CDK14: variants seen among roughly 807,000 people sequenced by gnomAD.
The protein encoded by CDK14 is cyclin-dependent kinase 14.
Under a neutral mutation model 60.7 loss-of-function variants are expected in CDK14, and 34 were observed. That is an observed-to-expected ratio of 0.56 (90% confidence interval 0.43 to 0.75). The LOEUF (loss-of-function observed/expected upper bound fraction) is 0.75, where lower values mean the gene tolerates loss of function less well. Among genes scored for constraint, CDK14 ranks in the 30% least tolerant of loss-of-function variants. CDK14 has a pLI of 0.00. For synonymous variants in CDK14, 197 were observed against 203.7 expected (o/e 0.97, Z 0.28); for missense variants, 482 against 564.1 (o/e 0.85, Z 1.47).
rs572146313 is a variant in CDK14 at position 90,700,294 on chromosome 7, A to G, written c.124-26273A>G. Among the ~76,000 whole-genome samples, 5 of 152,198 alleles carry G rather than the reference A, an allele frequency of 3.3e-5. No homozygotes were observed. The East Asian group carries it at 7.8e-4, about 24-fold the overall frequency. Reference sequence around the variant, plus strand: ...TTTTTAGTAGAGACGGGGTTTCACCATGTTGGCCAGGATGATCTCAATCTC... The same window carrying G: ...TTTTTAGTAGAGACGGGGTTTCACCGTGTTGGCCAGGATGATCTCAATCTC... On this transcript the variant is annotated intron_variant, in intron 2 of 14. Coordinates refer to ENST00000380050, the MANE Select transcript of CDK14 (RefSeq NM_001287135.2).
intron 4 of CDK14, among the ~76,000 whole-genome samples, chr7:90,766,178 A>AT (rs1439346131): frequency 4.6e-5 from 7 of 151,374 alleles, no homozygotes; most frequent in East Asian, 1.9e-4. Flanking sequence ...ACTAGTTGTG[A>AT]TTTTTTTTAA....
At chr7:91,154,556 C>A (rs1800925390) in intron 14 of CDK14, among the ~76,000 whole-genome samples, 1 of 152,112 alleles carries the variant, frequency 6.6e-6, no homozygotes, top group Non-Finnish European at 1.5e-5. Flanking sequence ...ATATAGTATG[C>A]AGCACATCTT....
intron 10 of CDK14, among the ~76,000 whole-genome samples, chr7:90,985,056 T>G (rs1478563256): frequency 6.6e-6 from 1 of 152,210 alleles, no homozygotes; most frequent in Non-Finnish European, 1.5e-5. Context: ...TTCTTAGCTG[T>G]GTCAGTTGTA....
intron 8 of CDK14, among the ~76,000 whole-genome samples, chr7:90,931,763 A>T (rs1401956969): frequency 6.9e-6 from 1 of 144,066 alleles, no homozygotes. Flanking sequence ...TTCAAATGAA[A>T]CTTTCATCTT....
intron 14 of CDK14, among the ~76,000 whole-genome samples, chr7:91,180,834 A>T (rs780811271): frequency 6.6e-6 from 1 of 152,142 alleles, no homozygotes; most frequent in Non-Finnish European, 1.5e-5. Context: ...GTGCTTTTAC[A>T]TTTTTTTATT....
chr7:90,866,273 C>CAG (rs1554358740), intron 6 of CDK14, among the ~76,000 whole-genome samples: 4,699 of 148,398 alleles, frequency 0.032, 96 homozygotes, highest in South Asian at 0.057. Context: ...CACACACACA[C>CAG]AGAACTTTGT....
chr7:90,599,210 A>T (rs547144139), intron 1 of CDK14, among the ~76,000 whole-genome samples: 1 of 152,266 alleles, frequency 6.6e-6, no homozygotes, highest in Admixed American at 6.5e-5. Context: ...AATAATGCAT[A>T]CCATGTCTTG....
chr7:90,601,510 T>A (rs1482974489), intron 1 of CDK14, among the ~76,000 whole-genome samples: 1 of 152,180 alleles, frequency 6.6e-6, no homozygotes, highest in East Asian at 1.9e-4. Flanking sequence ...ATTGTGCAGA[T>A]GAGATAATCT....
intron 12 of CDK14, among the ~76,000 whole-genome samples, chr7:91,102,226 A>ACC (rs1048837398): frequency 6.6e-6 from 1 of 151,978 alleles, no homozygotes; most frequent in African/African-American, 2.4e-5. Context: ...ATGAGTATAG[A>ACC]CCCTCTGCAT....
chr7:90,648,577 C>A (rs1023552783), intron 2 of CDK14, among the ~76,000 whole-genome samples: 2 of 152,074 alleles, frequency 1.3e-5, no homozygotes, highest in African/African-American at 2.4e-5. Context: ...ATTCAGATCT[C>A]ACCCACCTGG....
chr7:90,966,776 G>C (rs193010874), intron 9 of CDK14, among the ~76,000 whole-genome samples: 2 of 152,090 alleles, frequency 1.3e-5, no homozygotes, highest in African/African-American at 4.8e-5. Flanking sequence ...GTCAGACTCA[G>C]CTTCACACTT....
intron 2 of CDK14, among the ~76,000 whole-genome samples, chr7:90,640,667 G>A (rs1800304130): frequency 6.6e-6 from 1 of 151,968 alleles, no homozygotes; most frequent in South Asian, 2.1e-4. Context: ...TATTAAGAAA[G>A]TGAAAAGATA....
intron 14 of CDK14, among the ~76,000 whole-genome samples, chr7:91,197,289 A>G (rs966079294): frequency 6.6e-6 from 1 of 151,542 alleles, no homozygotes; most frequent in Admixed American, 6.6e-5. Context: ...AGTCCCAGCT[A>G]CTCTGGAGGC....
chr7:91,036,036 G>T (rs1796924222), intron 10 of CDK14, among the ~76,000 whole-genome samples: 1 of 151,976 alleles, frequency 6.6e-6, no homozygotes, highest in Non-Finnish European at 1.5e-5. Context: ...GTAGAGACGG[G>T]GTTTCACCTT....
chr7:91,152,717 T>C (rs1351958318), intron 14 of CDK14, among the ~76,000 whole-genome samples: 3 of 152,124 alleles, frequency 2.0e-5, no homozygotes, highest in Non-Finnish European at 4.4e-5. Context: ...AAAGTTGATA[T>C]AGGTAGGAAG....
chr7:90,923,645 A>G (rs537785816), intron 8 of CDK14, among the ~76,000 whole-genome samples: 80 of 152,308 alleles, frequency 5.3e-4, no homozygotes, highest in African/African-American at 1.9e-3. Context: ...CAAATCATGC[A>G]TGTGAGGTAA....
intron 8 of CDK14, among the ~76,000 whole-genome samples, chr7:90,941,536 C>G (rs922381170): frequency 1.3e-5 from 2 of 152,060 alleles, no homozygotes; most frequent in African/African-American, 4.8e-5. Context: ...CTCACTGCAG[C>G]CTTATATTCC....
rs34091498 is a variant in CDK14 at position 91,035,833 on chromosome 7, C to CTTTT, written c.1042-10046_1042-10043dup. ...TTAGCTAGGCCCTCTGCTTCATGGT[C>CTTTT]TTTTTTTTTTTTTTTTTTTTTGAGA... On this transcript the variant is annotated intron_variant, in intron 10 of 14. Coordinates refer to ENST00000380050, the MANE Select transcript of CDK14 (RefSeq NM_001287135.2). Among the ~76,000 whole-genome samples the CTTTT allele has an allele frequency of 1.3e-3, 132 of 99,224 alleles. 1 individual carries two copies. Among genetic ancestry groups the CTTTT allele is most frequent in the Non-Finnish European group, 1.5e-3 (82 of 53,014 alleles). 65.1% of individuals were successfully genotyped at this position (99,224 alleles called of 152,430 possible). A position where few individuals can be genotyped will look rare whatever the true frequency, so the allele number is the denominator to read the frequency against.
At chr7:91,035,687 A>T (rs1382447521) in intron 10 of CDK14, among the ~76,000 whole-genome samples, 1 of 151,604 alleles carries the variant, frequency 6.6e-6, no homozygotes. Flanking sequence ...CTAGTATATC[A>T]TATGATTAAA....
Sources: allele counts gnomAD v4.1 joint callset (sites outside exome capture counted in the v4.1 genomes callset), GRCh38; gene constraint gnomAD v4.1.1; transcripts MANE v1.5; gene names NCBI Gene and HGNC (gene_info 2026-07-23, HGNC 2026-07-21).